Variants in RAD50 observed in about 807,000 individuals in gnomAD.
RAD50 encodes RAD50 double strand break repair protein.
RAD50 carries 132 observed loss-of-function variants against 168.8 expected under a neutral mutation model. The ratio of observed to expected loss-of-function variants is 0.78; its 90% CI spans 0.68 to 0.90. The LOEUF is 0.90. Ranked by LOEUF, RAD50 falls within the 40% of genes least tolerant of loss-of-function variation. The pLI is 0.00. For missense variants in RAD50, 1,347 were observed against 1,534.4 expected (o/e 0.88, Z 2.04); for synonymous variants, 525 against 497.4 (o/e 1.06, Z -0.74).
At chr5:132,638,011 T>G in intron 22 of RAD50, 70 bp from the exon 23 acceptor site, 45 of 1,517,120 alleles carry the variant, frequency 3.0e-5, no homozygotes, top group Non-Finnish European at 3.7e-5. Flanking sequence ...TAGGCTTACT[T>G]GATATGTTTG....
intron 2 of RAD50, among the ~76,000 whole-genome samples, chr5:132,568,202 C>G (rs1450405384): frequency 6.6e-6 from 1 of 152,034 alleles, no homozygotes; most frequent in Non-Finnish European, 1.5e-5. Flanking sequence ...TCCCGAGTAG[C>G]TGGAACTACA....
intron 12 of RAD50, 142 bp downstream of exon 12, chr5:132,595,186 C>A: frequency 1.1e-6 from 1 of 892,358 alleles, no homozygotes; most frequent in Non-Finnish European, 1.7e-6. Flanking sequence ...ACAACTTACT[C>A]ACTGTGTGAC....
chr5:132,582,907 A>G (rs1750527985), intron 5 of RAD50, among the ~76,000 whole-genome samples: 1 of 152,166 alleles, frequency 6.6e-6, no homozygotes, highest in Non-Finnish European at 1.5e-5. Flanking sequence ...GATGTCAAAG[A>G]AGGAATTCAG....
chr5:132,604,963 A>G lies in RAD50; in HGVS notation c.2682A>G (p.Leu894=). 1 of 1,613,904 alleles carries G rather than the reference A, an allele frequency of 6.2e-7. No homozygotes were observed. Among genetic ancestry groups the G allele is most frequent in the South Asian group, 1.1e-5 (1 of 91,068 alleles). ...RQQLEEQTVE[L]STEVQSLYRE... ...AACTGGAGGAGCAGACTGTGGAATT[A>G]TCCACTGAAGTTCAGTCTTTGTACA... The change falls in exon 16 of 25, where the codon TTA becomes TTG. Residue 894 remains leucine, a synonymous_variant. Transcript: ENST00000378823.
rs56308622 is a variant in RAD50, at chr5:132,637,310, A to G, written c.3475+110A>G. The G allele has an allele frequency of 6.4e-3, 9,539 of 1,480,462 alleles. 68 individuals are homozygous for G. Among genetic ancestry groups the G allele is most frequent in the Non-Finnish European group, 6.5e-3 (7,113 of 1,098,974 alleles). 91.7% of individuals were successfully genotyped at this position (1,480,462 alleles called of 1,614,324 possible). A position where few individuals can be genotyped will look rare whatever the true frequency, so the allele number is the denominator to read the frequency against. ...TACCTCCCTGGACCCCTTTCTAAGC[A>G]TGTCTTTGAGATTTTCTAAGAATTC... On this transcript the variant is annotated intron_variant, in intron 22 of 24. Transcript: ENST00000378823.
intron 2 of RAD50, among the ~76,000 whole-genome samples, chr5:132,570,446 A>G (rs1353455481): frequency 6.6e-6 from 1 of 152,228 alleles, no homozygotes; most frequent in Non-Finnish European, 1.5e-5. Context: ...TACCTTCATC[A>G]ATTACCTGAG....
chr5:132,628,940 T>C (rs1450982191), intron 21 of RAD50, among the ~76,000 whole-genome samples: 1 of 152,044 alleles, frequency 6.6e-6, no homozygotes, highest in African/African-American at 2.4e-5. Context: ...AATGGGGCAA[T>C]GGTTAGAGTG....
chr5:132,602,988 A>T (rs1306566039), intron 13 of RAD50, among the ~76,000 whole-genome samples: 1 of 152,248 alleles, frequency 6.6e-6, no homozygotes, highest in Non-Finnish European at 1.5e-5. Context: ...TACTAAAATC[A>T]GTAGGCAGAA....
intron 10 of RAD50, 27 bp downstream of exon 10, chr5:132,591,433 A>T (rs1750698794): frequency 6.3e-7 from 1 of 1,595,526 alleles, no homozygotes; most frequent in South Asian, 1.1e-5. Flanking sequence ...TGTTCTAATT[A>T]TACTGTCTGG....
chr5:132,641,972 C>T (rs1005167837), intron 24 of RAD50: 11 of 590,054 alleles, frequency 1.9e-5, no homozygotes, highest in Non-Finnish European at 3.0e-5. Context: ...GGAGTCAGGC[C>T]ATGTGTCCCT....
intron 13 of RAD50, 92 bp from the exon 14 acceptor site, chr5:132,603,208 C>G: frequency 8.6e-7 from 1 of 1,157,546 alleles, no homozygotes; most frequent in Non-Finnish European, 1.2e-6. Context: ...AACACAATGT[C>G]ACTTCTGTGG....
chr5:132,583,471 A>G (rs1192564883), intron 5 of RAD50, among the ~76,000 whole-genome samples: 1 of 152,268 alleles, frequency 6.6e-6, no homozygotes, highest in East Asian at 1.9e-4. Context: ...AACCATCACT[A>G]AAATGAAGAT....
At chr5:132,637,734 A>G (rs1480822737) in intron 22 of RAD50, among the ~76,000 whole-genome samples, 2 of 152,078 alleles carry the variant, frequency 1.3e-5, no homozygotes, top group Admixed American at 6.6e-5. Flanking sequence ...GGGTTTCACC[A>G]TGTTGGCCAG....
intron 5 of RAD50, among the ~76,000 whole-genome samples, chr5:132,585,236 C>A (rs1001534009): frequency 1.3e-5 from 2 of 152,062 alleles, no homozygotes; most frequent in African/African-American, 4.8e-5. Context: ...TTATAAGTTA[C>A]CAGATGGCTG....
chr5:132,605,034 T>C, intron 16 of RAD50, 35 bp downstream of exon 16: 1 of 1,404,518 alleles, frequency 7.1e-7, no homozygotes, highest in Non-Finnish European at 9.6e-7. Flanking sequence ...TGTAAAATTA[T>C]TTTAATTATT....
At chr5:132,618,654 A>C (rs1751221961) in intron 21 of RAD50, among the ~76,000 whole-genome samples, 1 of 152,254 alleles carries the variant, frequency 6.6e-6, no homozygotes, top group African/African-American at 2.4e-5. Context: ...CTGGGATTAC[A>C]GGCATGAGCC....
rs779597467 is a variant in RAD50 at position 132,591,961 on chromosome 5, A to C, written c.1720A>C (p.Lys574Gln). 56 of 1,612,534 alleles carry C rather than the reference A, an allele frequency of 3.5e-5. No individual in the cohort carries two copies. Among genetic ancestry groups the C allele is most frequent in the Non-Finnish European group, 4.3e-5 (51 of 1,178,842 alleles). The change falls in exon 11 of 25, where the codon AAA becomes CAA. Residue 574 changes from lysine (K) to glutamine (Q), a missense_variant. Around this residue, in one of 3 missense-constraint regions of RAD50, gnomAD observed 703 missense variants for 767.7 expected, o/e 0.92. Transcript: ENST00000378823. Reference sequence around the variant, plus strand: ...ACTGTTGGGATATTTTCCCAACAAAAAACAGCTTGAAGACTGGCTACATAG... The same window carrying C: ...ACTGTTGGGATATTTTCCCAACAAACAACAGCTTGAAGACTGGCTACATAG... ...TSLLGYFPNK[K>Q]QLEDWLHSKS...
chr5:132,612,192 G>T (rs891948038), intron 19 of RAD50, among the ~76,000 whole-genome samples: 3 of 152,144 alleles, frequency 2.0e-5, no homozygotes, highest in African/African-American at 7.2e-5. Context: ...CCATAAAAAG[G>T]ATACATGCTA....
rs1581002038 is a variant in RAD50, at chr5:132,604,846, C to T, written c.2565C>T (p.Asp855=). ...AATTGAATCGTAAGCTTATACAGGA[C>T]CAGCAGGAACAGATTCAACATCTAA... ...KIELNRKLIQ[D]QQEQIQHLKS... Residue 855 remains aspartate, a synonymous_variant, in exon 16 of 25, where the codon GAC becomes GAT. Coordinates refer to ENST00000378823, the MANE Select transcript of RAD50 (RefSeq NM_005732.4). 2.5e-6 allele frequency: 4 copies of T among 1,613,114 alleles called. No homozygotes were observed. Among genetic ancestry groups the T allele is most frequent in the East Asian group, 2.2e-5 (1 of 44,862 alleles).
Sources: gnomAD v4.1 joint callset for allele counts (sites outside exome capture counted in the v4.1 genomes callset) on GRCh38, gnomAD v4.1.1 for gene constraint, gnomAD v4.1.1 regional missense constraint, MANE v1.5 for transcripts, NCBI Gene and HGNC (gene_info 2026-07-23, HGNC 2026-07-21) for gene names.